The following TTBK1 variants were observed in gnomAD, a reference collection of about 807,000 sequenced individuals.
The protein encoded by TTBK1 is tau tubulin kinase 1.
Under a neutral mutation model 108.5 loss-of-function variants are expected in TTBK1, and 34 were observed. The observed-to-expected ratio is 0.31, with a 90% CI of 0.24 to 0.42. TTBK1 has a LOEUF of 0.42. Among genes scored for constraint, TTBK1 ranks in the 10% least tolerant of loss-of-function variants. The probability of loss-of-function intolerance (pLI) is 1.00; values close to 1 mark genes in which losing one functional copy is unlikely to be tolerated. For missense variants in TTBK1, 1,539 were observed against 1,826.0 expected (o/e 0.84, Z 2.86); for synonymous variants, 809 against 795.1 (o/e 1.02, Z -0.29).
At position 43,262,929 on chromosome 6, in the gene TTBK1, C is replaced by T. The variant is rs1386865480; in HGVS notation, c.1565C>T (p.Ala522Val). The change falls in exon 13 of 15, where the codon GCC (alanine) becomes GTC (valine). Residue 522 changes from alanine (A) to valine (V), a missense_variant. This residue lies in a region of TTBK1 where 277 missense variants were observed against 332.4 expected (regional missense o/e 0.83). Coordinates refer to ENST00000259750, the MANE Select transcript of TTBK1 (RefSeq NM_032538.3). ...MDVSASVEQE[A>V]LSNAFRSVPL... The stretch of plus-strand genomic sequence containing the variant: ...GTGTCAGCCTCTGTGGAGCAGGAGG[C>T]CCTGAGCAACGCCTTCCGCTCGGTG... 6.2e-7 allele frequency: 1 copy of T among 1,614,002 alleles called. No homozygotes were observed. The highest frequency in any genetic ancestry group is 8.5e-7 in the Non-Finnish European group (1 of 1,179,944).
intron 10 of TTBK1, among the ~76,000 whole-genome samples, chr6:43,258,305 A>T (rs1777431890): frequency 6.6e-6 from 1 of 152,186 alleles, no homozygotes; most frequent in African/African-American, 2.4e-5. Flanking sequence ...TGAAAGTTAC[A>T]GCTCCTGCCC....
chr6:43,259,492 C>T lies in TTBK1; in HGVS notation c.1249-39C>T, dbSNP rs771663832. The T allele has an allele frequency of 3.3e-6, 5 of 1,521,022 alleles. No homozygotes were observed. The East Asian group carries it at 1.1e-4, about 35-fold the overall frequency. The allele number at this position is 1,521,022 out of a possible 1,614,324, so 94.2% of individuals were successfully genotyped here. On this transcript the variant is annotated intron_variant, in intron 11 of 14. Coordinates refer to ENST00000259750, the MANE Select transcript of TTBK1 (RefSeq NM_032538.3). This position sits in a 1 kb window ranked among gnomAD's most constrained non-coding sequence, Gnocchi z 6.7. ...GAGGAGACCATCCGCCCACAGCCGCCTCATCAGCCCCAGCTCATGGCACTC... is the reference window on the plus strand; with the variant it reads ...GAGGAGACCATCCGCCCACAGCCGCTTCATCAGCCCCAGCTCATGGCACTC...
chr6:43,272,516 T>C (rs775291230), intron 13 of TTBK1: 32 of 985,306 alleles, frequency 3.2e-5, no homozygotes, highest in Admixed American at 6.1e-5. Context: ...GTGTGTCCTT[T>C]AAAGCAAGGC....
Position 43,259,369 on chromosome 6 carries a change from G to T in TTBK1, c.1248+100G>T. 7.8e-7 allele frequency: 1 copy of T among 1,277,972 alleles called. No homozygotes were observed. Among genetic ancestry groups the T allele is most frequent in the South Asian group, 1.5e-5 (1 of 66,258 alleles). 79.2% of individuals were successfully genotyped at this position (1,277,972 alleles called of 1,614,324 possible). ...TGTTCCTCCTAAGCACCCTGTCCCC[G>T]GCCATCTGCCTGCTTGCCCTGCCTC... On this transcript the variant is annotated intron_variant, in intron 11 of 14. Coordinates refer to ENST00000259750, the MANE Select transcript of TTBK1 (RefSeq NM_032538.3). The surrounding 1 kb of genome is among the most constrained non-coding windows in gnomAD (Gnocchi z 6.7).
intron 13 of TTBK1, among the ~76,000 whole-genome samples, chr6:43,278,611 G>T (rs553268581): frequency 2.0e-5 from 3 of 152,316 alleles, no homozygotes; most frequent in Admixed American, 2.0e-4. Context: ...AATCATAAAG[G>T]TTGCTGCCCT....
chr6:43,275,918 C>T (rs1777972213), intron 13 of TTBK1, among the ~76,000 whole-genome samples: 1 of 152,128 alleles, frequency 6.6e-6, no homozygotes, highest in South Asian at 2.1e-4. Context: ...TCCGGGCCCT[C>T]AGAGTTCTCA....
rs1223522389 is a variant in TTBK1 at position 43,273,631 on chromosome 6, A to C, written c.1987-9096A>C. On this transcript the variant is annotated intron_variant, in intron 13 of 14. Transcript: ENST00000259750. This position sits in a 1 kb window ranked among gnomAD's most constrained non-coding sequence, Gnocchi z 4.2. The stretch of plus-strand genomic sequence containing the variant: ...GGGTGTCACCAACTCGTACATCAAC[A>C]AGATCCAAACAGTGTCAGGGAAGTG... Among the ~76,000 whole-genome samples the C allele has an allele frequency of 2.0e-5, 3 of 152,332 alleles. No homozygotes were observed. The East Asian group carries it at 5.8e-4, about 29-fold the overall frequency.
At chr6:43,249,656 A>T (rs1777186507) in intron 2 of TTBK1, among the ~76,000 whole-genome samples, 2 of 151,842 alleles carry the variant, frequency 1.3e-5, no homozygotes, top group African/African-American at 4.8e-5. Flanking sequence ...GGCTCACTGC[A>T]ACCTCTGCCT....
At chr6:43,275,267 C>T (rs887174053) in intron 13 of TTBK1, among the ~76,000 whole-genome samples, 2 of 151,968 alleles carry the variant, frequency 1.3e-5, no homozygotes, top group Non-Finnish European at 2.9e-5. Context: ...CACAGCGCCC[C>T]GCGGCGCCCT....
intron 13 of TTBK1, among the ~76,000 whole-genome samples, chr6:43,272,794 G>C (rs1341768085): frequency 6.6e-6 from 1 of 152,184 alleles, no homozygotes; most frequent in African/African-American, 2.4e-5. Context: ...GGGATGCTGT[G>C]AGCCTGCAAT....
At chr6:43,256,654 G>T (rs755592183) in intron 9 of TTBK1, among the ~76,000 whole-genome samples, 1 of 152,036 alleles carries the variant, frequency 6.6e-6, no homozygotes, top group Non-Finnish European at 1.5e-5. Context: ...TGTAAGAATC[G>T]CTTGAACTTG....
chr6:43,247,572 G>A (rs1777127118), intron 2 of TTBK1, among the ~76,000 whole-genome samples: 1 of 152,136 alleles, frequency 6.6e-6, no homozygotes, highest in Non-Finnish European at 1.5e-5. Context: ...CTGTGGGACT[G>A]CACCGGAGTG....
chr6:43,271,443 T>C, intron 13 of TTBK1: 1 of 985,442 alleles, frequency 1.0e-6, no homozygotes. Flanking sequence ...TGTATGCACA[T>C]GTGTGTTAGG....
At chr6:43,245,316 C>T (rs560548050) in intron 1 of TTBK1, among the ~76,000 whole-genome samples, 17 of 152,152 alleles carry the variant, frequency 1.1e-4, no homozygotes, top group African/African-American at 2.7e-4. Flanking sequence ...TCTCCAGGGT[C>T]GTTGTGAGGG....
Position 43,243,495 on chromosome 6 carries a change from C to T in TTBK1, c.-268C>T, listed in dbSNP as rs1172052002. ...CGGCGCGGTGCATTGTGGGCAGCTC[C>T]CCGCTCTGCCGCTGCCGCCGCCGTC... On this transcript the variant is annotated 5_prime_UTR_variant, in exon 1 of 15. Coordinates refer to ENST00000259750, the MANE Select transcript of TTBK1 (RefSeq NM_032538.3). This position sits in a 1 kb window ranked among gnomAD's most constrained non-coding sequence, Gnocchi z 5.5. Among the ~76,000 whole-genome samples the T allele has an allele frequency of 6.6e-6, 1 of 152,048 alleles. No homozygotes were observed. The highest frequency in any genetic ancestry group is 2.1e-4 in the South Asian group (1 of 4,832).
intron 12 of TTBK1, among the ~76,000 whole-genome samples, chr6:43,261,307 G>A (rs1403523041): frequency 1.3e-5 from 2 of 152,128 alleles, no homozygotes; most frequent in Non-Finnish European, 2.9e-5. Flanking sequence ...CCTGCCCACA[G>A]CCTGAATGTG....
chr6:43,257,322 T>C lies in TTBK1; in HGVS notation c.862-490T>C, dbSNP rs7750845. On this transcript the variant is annotated intron_variant, in intron 9 of 14. Transcript: ENST00000259750. This position sits in a 1 kb window ranked among gnomAD's most constrained non-coding sequence, Gnocchi z 4.5. Reference sequence around the variant, plus strand: ...CTGCTAGGGATGCAGAGTTGACAGATAGGCATGTGGACAATTCAAACTGAT... The same window carrying C: ...CTGCTAGGGATGCAGAGTTGACAGACAGGCATGTGGACAATTCAAACTGAT... 0.25 allele frequency among the ~76,000 whole-genome samples: 38,048 copies of C among 152,074 alleles called. 5,050 individuals carry two copies. Among genetic ancestry groups the C allele is most frequent in the East Asian group, 0.36 (1,880 of 5,152 alleles).
Position 43,253,477 on chromosome 6 carries a change from C to T in TTBK1, c.331-91C>T. 5.6e-6 allele frequency: 9 copies of T among 1,594,238 alleles called. No homozygotes were observed. The South Asian group carries it at 7.9e-5, about 14-fold the overall frequency. ...CTGGGAAAGGGCAGTGGGCACAACCCTTTGGGGTGAGGCTGGGAAGAGTAT... is the reference window on the plus strand; with the variant it reads ...CTGGGAAAGGGCAGTGGGCACAACCTTTTGGGGTGAGGCTGGGAAGAGTAT... On this transcript the variant is annotated intron_variant, in intron 4 of 14. Coordinates refer to ENST00000259750, the MANE Select transcript of TTBK1 (RefSeq NM_032538.3). The surrounding 1 kb of genome is among the most constrained non-coding windows in gnomAD (Gnocchi z 5.8).
rs754742250 is a variant in TTBK1 at position 43,265,271 on chromosome 6, T to C, written c.1986+1921T>C. On this transcript the variant is annotated intron_variant, in intron 13 of 14. Transcript: ENST00000259750. The surrounding 1 kb of genome is among the most constrained non-coding windows in gnomAD (Gnocchi z 4.1). The stretch of plus-strand genomic sequence containing the variant: ...GGGCCAGTTCTACCACTTGCTCAGA[T>C]TGGGAGGCCTTGCCTGGGATCACAT... Among the ~76,000 whole-genome samples the C allele has an allele frequency of 6.6e-6, 1 of 152,126 alleles. No individual in the cohort carries two copies. The highest frequency in any genetic ancestry group is 1.9e-4 in the East Asian group (1 of 5,182).
Sources: gnomAD v4.1 joint callset for allele counts (sites outside exome capture counted in the v4.1 genomes callset) on GRCh38, gnomAD v4.1.1 for gene constraint, gnomAD v4.1.1 regional missense constraint, Gnocchi (gnomAD v3.1) non-coding constraint, MANE v1.5 for transcripts, NCBI Gene and HGNC (gene_info 2026-07-23, HGNC 2026-07-21) for gene names.